Variants in GTF3C1 observed in about 807,000 individuals in gnomAD.
GTF3C1 encodes general transcription factor IIIC subunit 1.
A neutral mutation model predicts 226.7 loss-of-function variants in GTF3C1; 57 were observed. The observed-to-expected ratio is 0.25, with a 90% CI of 0.20 to 0.31. The LOEUF is 0.31. Among genes scored for constraint, GTF3C1 ranks in the 10% least tolerant of loss-of-function variants. The pLI is 1.00. For synonymous variants in GTF3C1, 1,090 were observed against 1,084.8 expected, an observed-to-expected ratio of 1.00 and a Z score of -0.09; for missense variants, 2,217 against 2,776.1, an observed-to-expected ratio of 0.80 and a Z score of 4.53.
rs1341680629 is a variant in GTF3C1, at chr16:27,486,026, G to A, written c.3829C>T (p.Arg1277Cys). 9.9e-6 allele frequency: 16 copies of A among 1,611,296 alleles called. No individual in the cohort carries two copies. Among genetic ancestry groups the A allele is most frequent in the South Asian group, 2.2e-5 (2 of 90,754 alleles). Residue 1277 changes from arginine to cysteine, a missense_variant, in exon 24 of 37, where the codon CGC becomes TGC. Physicochemically the swap from Arg to Cys is radical, Grantham distance 180. Around this residue, in one of 12 missense-constraint regions of GTF3C1, gnomAD observed 546 missense variants for 663.0 expected, o/e 0.82. Coordinates refer to ENST00000356183, the MANE Select transcript of GTF3C1 (RefSeq NM_001520.4). ...MQEDGLLVLC[R>C]IASNVLNTKV... ...GTGTTGAGGACATTGCTGGCAATGC[G>A]GCACAGCACAAGCAGCCCATCCTCC...
Position 27,469,631 on chromosome 16 carries a change from T to A in GTF3C1, c.4815-81A>T. 6.7e-7 allele frequency: 1 copy of A among 1,483,536 alleles called. No individual in the cohort carries two copies. Among genetic ancestry groups the A allele is most frequent in the Non-Finnish European group, 9.2e-7 (1 of 1,084,766 alleles). 91.9% of individuals were successfully genotyped at this position (1,483,536 alleles called of 1,614,324 possible). The stretch of plus-strand genomic sequence containing the variant: ...AGCCTCTCCCCTCCCTCAAGAGGCC[T>A]CTGTGGCTGGGCTTCAGCAGTGGCC... On this transcript the variant is annotated intron_variant, in intron 31 of 36. Coordinates refer to ENST00000356183, the MANE Select transcript of GTF3C1 (RefSeq NM_001520.4). This position sits in a 1 kb window ranked among gnomAD's most constrained non-coding sequence, Gnocchi z 4.5.
rs1193005100 is a variant in GTF3C1, at chr16:27,461,830, C to T, written c.6118-268G>A. The T allele has an allele frequency of 3.7e-5, 18 of 487,674 alleles. No homozygotes were observed. Among genetic ancestry groups the T allele is most frequent in the East Asian group, 9.8e-5 (3 of 30,630 alleles). 30.2% of individuals were successfully genotyped at this position (487,674 alleles called of 1,614,324 possible). A position where few individuals can be genotyped will look rare whatever the true frequency, so the allele number is the denominator to read the frequency against. ...TCATTTGTGGAGGAGAGGCCTGCAG[C>T]GCGGGATAAATCCCAGCTTCCTGTG... On this transcript the variant is annotated intron_variant, in intron 36 of 36. Coordinates refer to ENST00000356183, the MANE Select transcript of GTF3C1 (RefSeq NM_001520.4). The surrounding 1 kb of genome is among the most constrained non-coding windows in gnomAD (Gnocchi z 5.3).
intron 19 of GTF3C1, among the ~76,000 whole-genome samples, chr16:27,490,311 G>C (rs1160257612): frequency 6.6e-5 from 10 of 152,212 alleles, no homozygotes; most frequent in Admixed American, 5.9e-4. Flanking sequence ...ACAGAAAATT[G>C]CATTTCTTGC....
chr16:27,480,931 T>A (rs1450182774), intron 27 of GTF3C1, 148 bp downstream of exon 27: 1 of 644,244 alleles, frequency 1.6e-6, no homozygotes, highest in Admixed American at 2.6e-5. Flanking sequence ...AAGTCACCCA[T>A]GAGAGGAGAG....
intron 5 of GTF3C1, among the ~76,000 whole-genome samples, chr16:27,529,160 C>T (rs527470780): frequency 7.2e-5 from 11 of 152,246 alleles, no homozygotes; most frequent in African/African-American, 2.6e-4. Context: ...AAAAATTTTA[C>T]AGGCTGGGTG....
intron 6 of GTF3C1, among the ~76,000 whole-genome samples, chr16:27,517,334 C>T (rs1020092788): frequency 1.3e-5 from 2 of 152,166 alleles, no homozygotes; most frequent in East Asian, 3.8e-4. Flanking sequence ...CTGTTCCAGA[C>T]TACAAGTCAG....
In GTF3C1 at chr16:27,493,266, G is replaced by T; in HGVS notation, c.2809C>A (p.Pro937Thr). ...CGGATCAGCGTGTGCTTCTTCAGCG[G>T]GTCGTTCAGAAATTCCTCCAGGTTG... ...VDNLEEFLND[P>T]LKKHTLIRFL... is the part of the protein sequence containing the mutation. Residue 937 changes from proline to threonine, a missense_variant, in exon 17 of 37, where the codon CCG (proline) becomes ACG (threonine). Coordinates refer to ENST00000356183, the MANE Select transcript of GTF3C1 (RefSeq NM_001520.4). 6.2e-7 allele frequency: 1 copy of T among 1,610,730 alleles called. No homozygotes were observed. The highest frequency in any genetic ancestry group is 8.5e-7 in the Non-Finnish European group (1 of 1,176,918).
intron 12 of GTF3C1, 79 bp from the exon 13 acceptor site, chr16:27,498,812 GA>G: frequency 1.3e-6 from 1 of 786,104 alleles, no homozygotes; most frequent in Non-Finnish European, 2.3e-6. Context: ...ATTCCTAGTG[GA>G]ACCTCAGTCA....
At chr16:27,526,086 T>C (rs1036883265) in intron 6 of GTF3C1, among the ~76,000 whole-genome samples, 1 of 152,234 alleles carries the variant, frequency 6.6e-6, no homozygotes, top group Admixed American at 6.5e-5. Context: ...TTGCAGGGGC[T>C]ATTTTGTTGG....
intron 22 of GTF3C1, 38 bp downstream of exon 22, chr16:27,488,516 C>T (rs1156962029): frequency 2.5e-6 from 4 of 1,581,286 alleles, no homozygotes; most frequent in Non-Finnish European, 2.6e-6. Context: ...TGAACTGGTA[C>T]CATATTAACT....
At chr16:27,511,599 C>T in intron 7 of GTF3C1, 150 bp downstream of exon 7, 1 of 713,280 alleles carries the variant, frequency 1.4e-6, no homozygotes, top group South Asian at 2.3e-5. Flanking sequence ...TCCAATCTGA[C>T]CTTGAAGCCT....
At position 27,545,394 on chromosome 16, in the gene GTF3C1, A is replaced by G; in HGVS notation, c.351T>C (p.Phe117=). Residue 117 remains phenylalanine (F), a synonymous_variant, in exon 2 of 37, where the codon TTT becomes TTC. Coordinates refer to ENST00000356183, the MANE Select transcript of GTF3C1 (RefSeq NM_001520.4). ...KDGIQGSCRY[F]KERKNITNDI... The stretch of plus-strand genomic sequence containing the variant: ...CATTGGTAATGTTTTTCCTCTCCTT[A>G]AAGTAGCGGCATGAGCCCTGGATGC... 6.2e-7 allele frequency: 1 copy of G among 1,613,724 alleles called. No homozygotes were observed. The highest frequency in any genetic ancestry group is 8.5e-7 in the Non-Finnish European group (1 of 1,179,628).
intron 27 of GTF3C1, chr16:27,480,715 G>T: frequency 4.9e-6 from 1 of 205,244 alleles, no homozygotes; most frequent in Non-Finnish European, 9.8e-6. Context: ...CAAATGCCGA[G>T]TGGTTACAGA....
chr16:27,515,513 C>G (rs2088644173), intron 6 of GTF3C1, among the ~76,000 whole-genome samples: 1 of 151,812 alleles, frequency 6.6e-6, no homozygotes, highest in Admixed American at 6.6e-5. Flanking sequence ...CAAGTTGGTT[C>G]ACCGTCCTCA....
At chr16:27,497,610 A>G in intron 14 of GTF3C1, 27 bp downstream of exon 14, 1 of 1,577,530 alleles carries the variant, frequency 6.3e-7, no homozygotes, top group Non-Finnish European at 8.7e-7. Context: ...AAATGTAACT[A>G]AACACAGACA....
intron 25 of GTF3C1, among the ~76,000 whole-genome samples, chr16:27,483,889 C>T (rs774209688): frequency 3.2e-4 from 48 of 152,314 alleles, no homozygotes; most frequent in Middle Eastern, 3.4e-3. Flanking sequence ...CAGCCTCTGC[C>T]TCTGCCTCCA....
rs375637144 is a variant in GTF3C1 at position 27,525,366 on chromosome 16, TCAAC to T, written c.973+3228_973+3231del. On this transcript the variant is annotated intron_variant, in intron 6 of 36. Coordinates refer to ENST00000356183, the MANE Select transcript of GTF3C1 (RefSeq NM_001520.4). ...CTTTTCCTCAAGGAGTTCCAGTCAT[TCAAC>T]CAATCACACATTTACTCAGCACTGA... Among the ~76,000 whole-genome samples the T allele has an allele frequency of 3.3e-4, 51 of 152,292 alleles. 1 individual carries two copies. Among genetic ancestry groups the T allele is most frequent in the African/African-American group, 1.1e-3 (45 of 41,558 alleles).
chr16:27,468,059 A>G (rs2087810666), intron 32 of GTF3C1, among the ~76,000 whole-genome samples: 1 of 152,058 alleles, frequency 6.6e-6, no homozygotes, highest in Non-Finnish European at 1.5e-5. Flanking sequence ...GAAGAAATTT[A>G]TTCCCACTCT....
At chr16:27,532,270 G>C (rs1489873422) in intron 5 of GTF3C1, among the ~76,000 whole-genome samples, 1 of 152,130 alleles carries the variant, frequency 6.6e-6, no homozygotes, top group Non-Finnish European at 1.5e-5. Context: ...TAGCAATGTG[G>C]AAGACACCTC....
Sources: gnomAD v4.1 joint callset for allele counts (sites outside exome capture counted in the v4.1 genomes callset) on GRCh38, gnomAD v4.1.1 for gene constraint, gnomAD v4.1.1 regional missense constraint, Gnocchi (gnomAD v3.1) non-coding constraint, MANE v1.5 for transcripts, NCBI Gene and HGNC (gene_info 2026-07-23, HGNC 2026-07-21) for gene names.